The following FRMD4A variants were observed in gnomAD, a reference collection of about 807,000 sequenced individuals.
FRMD4A encodes the protein FERM domain-containing protein 4A.
In FRMD4A, 29 loss-of-function variants were observed where a neutral mutation model predicts 129.1. The ratio of observed to expected loss-of-function variants is 0.22; its 90% CI spans 0.17 to 0.31. FRMD4A has a LOEUF of 0.31. Among genes scored for constraint, FRMD4A ranks in the 10% least tolerant of loss-of-function variants. The probability of loss-of-function intolerance (pLI) is 1.00; values close to 1 mark genes in which losing one functional copy is unlikely to be tolerated. For synonymous variants in FRMD4A, 634 were observed against 571.6 expected (o/e 1.11, Z -1.56); for missense variants, 1,272 against 1,375.8 (o/e 0.92, Z 1.19).
chr10:13,836,148 C>T (rs1314107237), intron 3 of FRMD4A, among the ~76,000 whole-genome samples: 1 of 152,200 alleles, frequency 6.6e-6, no homozygotes. Context: ...CACGTGTGAG[C>T]TACCACACCT....
intron 2 of FRMD4A, among the ~76,000 whole-genome samples, chr10:14,218,584 T>G (rs1362727940): frequency 6.6e-6 from 1 of 152,146 alleles, no homozygotes; most frequent in Non-Finnish European, 1.5e-5. Context: ...CTGGGCACGG[T>G]GTCTCACGCC....
intron 2 of FRMD4A, among the ~76,000 whole-genome samples, chr10:14,135,762 A>C (rs1017229323): frequency 6.6e-6 from 1 of 152,204 alleles, no homozygotes; most frequent in Non-Finnish European, 1.5e-5. Context: ...TTAAACTATG[A>C]TGCCTGATTC....
intron 2 of FRMD4A, among the ~76,000 whole-genome samples, chr10:14,259,731 C>A (rs1429799595): frequency 6.6e-6 from 1 of 152,148 alleles, no homozygotes; most frequent in Non-Finnish European, 1.5e-5. Flanking sequence ...GTTGGTTGCA[C>A]CTTCCAGGTC....
At chr10:14,219,069 A>G (rs1437406153) in intron 2 of FRMD4A, among the ~76,000 whole-genome samples, 1 of 151,790 alleles carries the variant, frequency 6.6e-6, no homozygotes, top group Non-Finnish European at 1.5e-5. Flanking sequence ...CATAGGAAGT[A>G]AGAGGAAGGC....
intron 2 of FRMD4A, among the ~76,000 whole-genome samples, chr10:14,127,076 G>A (rs1025404251): frequency 3.3e-5 from 5 of 152,188 alleles, no homozygotes; most frequent in African/African-American, 9.7e-5. Flanking sequence ...AAGGGAAACT[G>A]CAGCAAACCC....
At chr10:14,146,061 T>C (rs1204460470) in intron 2 of FRMD4A, among the ~76,000 whole-genome samples, 1 of 152,242 alleles carries the variant, frequency 6.6e-6, no homozygotes, top group African/African-American at 2.4e-5. Context: ...GCTGGCTGTG[T>C]GACCTTGAAG....
rs1565211021 is a variant in FRMD4A at position 14,048,862 on chromosome 10, GAATA to G, written c.46-189954_46-189951del. On this transcript the variant is annotated intron_variant, in intron 2 of 24. Transcript: ENST00000357447. ...GAATAGAATAGAATAGAATAGAATA[GAATA>G]GAATAGAATAGAATAGAATAGAATA... 4.7e-3 allele frequency among the ~76,000 whole-genome samples: 680 copies of G among 146,112 alleles called. 3 individuals are homozygous for G. The highest frequency in any genetic ancestry group is 0.017 in the Middle Eastern group (5 of 290).
chr10:13,659,787 T>C (rs2082484034), intron 20 of FRMD4A, among the ~76,000 whole-genome samples: 1 of 152,042 alleles, frequency 6.6e-6, no homozygotes, highest in Admixed American at 6.5e-5. Flanking sequence ...TTACCTGTCC[T>C]GGCACCCCCC....
chr10:13,844,762 C>G (rs1340248714), intron 3 of FRMD4A, among the ~76,000 whole-genome samples: 1 of 152,228 alleles, frequency 6.6e-6, no homozygotes, highest in Non-Finnish European at 1.5e-5. Context: ...GCAGGCCCTG[C>G]TAGTCGCATG....
At chr10:14,151,520 GT>G (rs1054554818) in intron 2 of FRMD4A, among the ~76,000 whole-genome samples, 2 of 151,948 alleles carry the variant, frequency 1.3e-5, no homozygotes, top group Non-Finnish European at 2.9e-5. Flanking sequence ...AGAGGAGAGG[GT>G]TAAAAAATTA....
chr10:14,145,648 T>C (rs1840038937), intron 2 of FRMD4A, among the ~76,000 whole-genome samples: 1 of 152,226 alleles, frequency 6.6e-6, no homozygotes, highest in Non-Finnish European at 1.5e-5. Flanking sequence ...TATTGACTGT[T>C]ACTGGATATA....
chr10:13,870,405 G>A lies in FRMD4A; in HGVS notation c.46-11493C>T, dbSNP rs112625953. On this transcript the variant is annotated intron_variant, in intron 2 of 24. Coordinates refer to ENST00000357447, the MANE Select transcript of FRMD4A (RefSeq NM_018027.5). The stretch of plus-strand genomic sequence containing the variant: ...GGGCCACCTGGGACTTTTAGAGTCT[G>A]TTCCTCCAAGGACCATCCTCTCCCT... 3.8e-3 allele frequency among the ~76,000 whole-genome samples: 582 copies of A among 152,304 alleles called. 7 individuals are homozygous for A. The highest frequency in any genetic ancestry group is 0.013 in the African/African-American group (560 of 41,564).
intron 2 of FRMD4A, among the ~76,000 whole-genome samples, chr10:14,274,101 G>A (rs902340652): frequency 1.3e-5 from 2 of 152,204 alleles, no homozygotes; most frequent in African/African-American, 4.8e-5. Context: ...GAGGTGCTGT[G>A]TACAGACAAG....
chr10:14,029,053 C>T (rs971180561), intron 2 of FRMD4A, among the ~76,000 whole-genome samples: 9 of 152,212 alleles, frequency 5.9e-5, no homozygotes, highest in Non-Finnish European at 1.0e-4. Flanking sequence ...ATCAGTGACA[C>T]ACTCTATACG....
At chr10:14,026,057 C>A (rs902379931) in intron 2 of FRMD4A, among the ~76,000 whole-genome samples, 12 of 152,210 alleles carry the variant, frequency 7.9e-5, no homozygotes, top group African/African-American at 2.9e-4. Context: ...GTTCCCTAAA[C>A]ACTTTCTGTT....
intron 2 of FRMD4A, chr10:13,891,768 C>T (rs1405456552): frequency 1.0e-5 from 10 of 981,106 alleles, no homozygotes; most frequent in Middle Eastern, 1.1e-3. Context: ...GCCCCCGCCC[C>T]GTCCCCGCCG....
At chr10:13,924,057 T>G (rs2095102756) in intron 2 of FRMD4A, among the ~76,000 whole-genome samples, 1 of 152,228 alleles carries the variant, frequency 6.6e-6, no homozygotes, top group African/African-American at 2.4e-5. Context: ...GCAATTCAGC[T>G]GCGCATCTAA....
chr10:14,073,192 C>G (rs1835397591), intron 2 of FRMD4A, among the ~76,000 whole-genome samples: 1 of 152,144 alleles, frequency 6.6e-6, no homozygotes, highest in African/African-American at 2.4e-5. Context: ...TATGCCCTCC[C>G]TGGGGCTCTT....
Position 14,177,399 on chromosome 10 carries a change from C to G in FRMD4A, c.45+152659G>C, listed in dbSNP as rs560001123. 2.6e-5 allele frequency among the ~76,000 whole-genome samples: 4 copies of G among 152,174 alleles called. No individual in the cohort carries two copies. The East Asian group carries it at 7.7e-4, about 29-fold the overall frequency. On this transcript the variant is annotated intron_variant, in intron 2 of 24. Transcript: ENST00000357447. ...TGTTGGCGGGGCTGGTCTTGAACAC[C>G]TGGCCACAAATTATCCACCAACCTT...
Sources: gnomAD v4.1 joint callset for allele counts (sites outside exome capture counted in the v4.1 genomes callset) on GRCh38, gnomAD v4.1.1 for gene constraint, MANE v1.5 for transcripts, NCBI Gene and HGNC (gene_info 2026-07-23, HGNC 2026-07-21) for gene names.